Variants in RAB11FIP5 observed in about 807,000 individuals in gnomAD.
RAB11FIP5 encodes the protein RAB11 family interacting protein 5, also known as rab11 family-interacting protein 5.
A neutral mutation model predicts 85.1 loss-of-function variants in RAB11FIP5; 48 were observed. The observed-to-expected ratio is 0.56, with a 90% CI of 0.45 to 0.72. The LOEUF (loss-of-function observed/expected upper bound fraction) is 0.72. Ranked by LOEUF, RAB11FIP5 falls within the 30% of genes least tolerant of loss-of-function variation. The probability of loss-of-function intolerance (pLI) is 0.00; values close to 1 mark genes in which losing one functional copy is unlikely to be tolerated. For synonymous variants in RAB11FIP5, 729 were observed against 727.3 expected (o/e 1.00, Z -0.04); for missense variants, 1,491 against 1,687.0 (o/e 0.88, Z 2.04).
Position 73,075,380 on chromosome 2 carries a change from C to G in RAB11FIP5, c.*141G>C, listed in dbSNP as rs1347102464. ...TCCAGAGGGCCCCCTTCCAGCAGCC[C>G]CAGTTGAGGCAGGAGGGAGAGGAGC... is the stretch of plus-strand genomic sequence containing the variant. On this transcript the variant is annotated 3_prime_UTR_variant, in exon 6 of 6. Transcript: ENST00000486777. The surrounding 1 kb of genome is among the most constrained non-coding windows in gnomAD (Gnocchi z 4.6). 1 of 886,746 alleles carries G rather than the reference C, an allele frequency of 1.1e-6. No homozygotes were observed. 54.9% of individuals were successfully genotyped at this position (886,746 alleles called of 1,614,324 possible).
rs201939228 is a variant in RAB11FIP5, at chr2:73,088,530, G to A, written c.1088C>T (p.Pro363Leu). The change falls in exon 3 of 6, where the codon CCA becomes CTA. Residue 363 changes from proline (P) to leucine (L), a missense_variant. Physicochemically the swap from Pro to Leu is moderately conservative, Grantham distance 98. Around this residue, in one of 3 missense-constraint regions of RAB11FIP5, gnomAD observed 1,211 missense variants for 1,338.0 expected, o/e 0.91. Transcript: ENST00000486777. Reference sequence around the variant, plus strand: ...GACAGCTTGCAAGGAGCCAGAGGATGGAAGCGAGCCCGAGATGGAGCTGCG... The same window carrying A: ...GACAGCTTGCAAGGAGCCAGAGGATAGAAGCGAGCCCGAGATGGAGCTGCG... ...RHRSSISGSL[P>L]SSGSLQAVSS... The A allele has an allele frequency of 2.1e-4, 334 of 1,613,872 alleles. 2 individuals are homozygous for A. The Middle Eastern group carries it at 3.3e-3, about 16-fold the overall frequency.
At position 73,089,098 on chromosome 2, in the gene RAB11FIP5, T is replaced by C; in HGVS notation, c.649A>G (p.Ile217Val). ...SASAILPSSA[I>V]EDPDLGSLGK... is the part of the protein sequence containing the mutation. ...AGGCTGCCCAGGTCAGGATCCTCTA[T>C]GGCGCTGCTTGGGAGGATGGCAGAG... Residue 217 changes from isoleucine to valine, a missense_variant, in exon 2 of 6, where the codon ATA becomes GTA. Physicochemically the swap from Ile to Val is conservative, Grantham distance 29 (BLOSUM62 3). Around this residue, in one of 3 missense-constraint regions of RAB11FIP5, gnomAD observed 1,211 missense variants for 1,338.0 expected, o/e 0.91. Coordinates refer to ENST00000486777, the MANE Select transcript of RAB11FIP5 (RefSeq NM_001371272.1). The surrounding 1 kb of genome is among the most constrained non-coding windows in gnomAD (Gnocchi z 4.6). The C allele has an allele frequency of 1.2e-6, 2 of 1,614,216 alleles. No individual in the cohort carries two copies. Among genetic ancestry groups the C allele is most frequent in the Non-Finnish European group, 1.7e-6 (2 of 1,180,030 alleles).
At position 73,074,076 on chromosome 2, in the gene RAB11FIP5, A is replaced by G. The variant is rs892676073; in HGVS notation, c.*1445T>C. The G allele has an allele frequency of 2.0e-5, 3 of 152,190 alleles. No individual in the cohort carries two copies. Among genetic ancestry groups the G allele is most frequent in the African/African-American group, 7.2e-5 (3 of 41,434 alleles). 9.4% of individuals were successfully genotyped at this position (152,190 alleles called of 1,614,324 possible). A position where few individuals can be genotyped will look rare whatever the true frequency, so the allele number is the denominator to read the frequency against. The stretch of plus-strand genomic sequence containing the variant: ...TGCAGATGCCTTGGGGAAGCCTACC[A>G]TGTTTTCTACAAGCAAACCAGGGGC... On this transcript the variant is annotated 3_prime_UTR_variant, in exon 6 of 6. Transcript: ENST00000486777.
In RAB11FIP5 at chr2:73,089,004, G is replaced by T; in HGVS notation, c.743C>A (p.Ser248Tyr). 6.2e-7 allele frequency: 1 copy of T among 1,614,230 alleles called. No individual in the cohort carries two copies. Among genetic ancestry groups the T allele is most frequent in the South Asian group, 1.1e-5 (1 of 91,088 alleles). ...NKLRKSSLTQSNTSLGSDSTL... is the reference protein window; with the variant it reads ...NKLRKSSLTQYNTSLGSDSTL... ...GCTGTCCGAGCCCAGCGAGGTGTTGGACTGGGTCAGGGACGACTTGCGCAG... is the reference window on the plus strand; with the variant it reads ...GCTGTCCGAGCCCAGCGAGGTGTTGTACTGGGTCAGGGACGACTTGCGCAG... The change falls in exon 2 of 6, where the codon TCC (serine) becomes TAC (tyrosine). Residue 248 changes from serine to tyrosine, a missense_variant. Around this residue, in one of 3 missense-constraint regions of RAB11FIP5, gnomAD observed 1,211 missense variants for 1,338.0 expected, o/e 0.91. Transcript: ENST00000486777. This position sits in a 1 kb window ranked among gnomAD's most constrained non-coding sequence, Gnocchi z 4.6.
intron 3 of RAB11FIP5, among the ~76,000 whole-genome samples, chr2:73,083,149 G>A (rs1684022558): frequency 2.0e-5 from 3 of 152,258 alleles, no homozygotes; most frequent in Admixed American, 2.0e-4. Flanking sequence ...GCTTTGGCCA[G>A]CCAGCCCATA....
intron 3 of RAB11FIP5, among the ~76,000 whole-genome samples, chr2:73,085,368 G>C (rs1433643471): frequency 2.0e-5 from 3 of 152,202 alleles, no homozygotes; most frequent in Non-Finnish European, 2.9e-5. Context: ...TCTGTGCATA[G>C]AGTCCTATGG....
At chr2:73,093,977 T>G (rs1684272238) in intron 1 of RAB11FIP5, among the ~76,000 whole-genome samples, 1 of 152,136 alleles carries the variant, frequency 6.6e-6, no homozygotes, top group African/African-American at 2.4e-5. Flanking sequence ...AATAATTAGC[T>G]GGGTGTGGTG....
At position 73,087,988 on chromosome 2, in the gene RAB11FIP5, C is replaced by T. The variant is rs929680119; in HGVS notation, c.1568+62G>A. 49 of 1,459,684 alleles carry T rather than the reference C, an allele frequency of 3.4e-5. No individual in the cohort carries two copies. In the East Asian group the frequency reaches 1.1e-3, roughly 33 times the overall value. 90.4% of individuals were successfully genotyped at this position (1,459,684 alleles called of 1,614,324 possible). Reference sequence around the variant, plus strand: ...TACTCCTTCCTCCCTGCCCCAGGGTCCAGGCAGCACACACCCCAGCATCCT... The same window carrying T: ...TACTCCTTCCTCCCTGCCCCAGGGTTCAGGCAGCACACACCCCAGCATCCT... On this transcript the variant is annotated intron_variant, in intron 3 of 5. Coordinates refer to ENST00000486777, the MANE Select transcript of RAB11FIP5 (RefSeq NM_001371272.1).
Position 73,112,874 on chromosome 2 carries a change from CTG to C in RAB11FIP5, c.-99_-98del, listed in dbSNP as rs1252442854. ...GGCAGAAGGCGGTCAGGAACCAACT[CTG>C]AGCGCCGCCGCAGCTGCGGGCTGGG... On this transcript the variant is annotated 5_prime_UTR_variant, in exon 1 of 6. Transcript: ENST00000486777. The C allele has an allele frequency of 8.7e-7, 1 of 1,150,476 alleles. No homozygotes were observed. Among genetic ancestry groups the C allele is most frequent in the Non-Finnish European group, 1.1e-6 (1 of 894,208 alleles). 71.3% of individuals were successfully genotyped at this position (1,150,476 alleles called of 1,614,324 possible). A position where few individuals can be genotyped will look rare whatever the true frequency, so the allele number is the denominator to read the frequency against.
intron 1 of RAB11FIP5, among the ~76,000 whole-genome samples, chr2:73,094,845 A>G (rs1417356346): frequency 6.6e-6 from 1 of 152,048 alleles, no homozygotes; most frequent in African/African-American, 2.4e-5. Context: ...GGGGTAAGTT[A>G]CCAAAGGAAC....
At chr2:73,092,573 C>A (rs1305288175) in intron 1 of RAB11FIP5, among the ~76,000 whole-genome samples, 1 of 152,108 alleles carries the variant, frequency 6.6e-6, no homozygotes, top group African/African-American at 2.4e-5. Context: ...CAGAGGAAGG[C>A]GGGAGGCCGA....
chr2:73,108,859 C>A (rs1684582278), intron 1 of RAB11FIP5, among the ~76,000 whole-genome samples: 1 of 152,166 alleles, frequency 6.6e-6, no homozygotes, highest in African/African-American at 2.4e-5. Context: ...GCCTGGCCAA[C>A]ATGGCAAAAC....
intron 3 of RAB11FIP5, among the ~76,000 whole-genome samples, chr2:73,083,565 G>A (rs1339555602): frequency 6.6e-6 from 1 of 152,120 alleles, no homozygotes; most frequent in Non-Finnish European, 1.5e-5. Flanking sequence ...ACCCCACCTG[G>A]GCTTCCACTA....
At chr2:73,105,751 AG>A (rs1684513331) in intron 1 of RAB11FIP5, among the ~76,000 whole-genome samples, 1 of 151,986 alleles carries the variant, frequency 6.6e-6, no homozygotes, top group African/African-American at 2.4e-5. Context: ...GAAGAGAGGA[AG>A]CCTTGGCAGG....
Position 73,088,300 on chromosome 2 carries a change from T to C in RAB11FIP5, c.1318A>G (p.Ile440Val). 5.6e-6 allele frequency: 9 copies of C among 1,613,800 alleles called. No individual in the cohort carries two copies. The highest frequency in any genetic ancestry group is 7.6e-6 in the Non-Finnish European group (9 of 1,179,972). Residue 440 changes from isoleucine (I) to valine (V), a missense_variant, in exon 3 of 6, where the codon ATA becomes GTA. By Grantham distance (29) the Ile-to-Val change is conservative. This residue lies in a region of RAB11FIP5 where 1,211 missense variants were observed against 1,338.0 expected (regional missense o/e 0.91). Coordinates refer to ENST00000486777, the MANE Select transcript of RAB11FIP5 (RefSeq NM_001371272.1). ...GCCACAGCCTCAGAGGAGGCCACTATGGGTGTGGCAACCTGGACTGGCTTG... is the reference window on the plus strand; with the variant it reads ...GCCACAGCCTCAGAGGAGGCCACTACGGGTGTGGCAACCTGGACTGGCTTG... ...EGKPVQVATPIVASSEAVAEK... is the reference protein window; with the variant it reads ...EGKPVQVATPVVASSEAVAEK...
At position 73,112,419 on chromosome 2, in the gene RAB11FIP5, A is replaced by G; in HGVS notation, c.359T>C (p.Val120Ala). Residue 120 changes from valine (V) to alanine (A), a missense_variant, in exon 1 of 6, where the codon GTC becomes GCC. Physicochemically the swap from Val to Ala is moderately conservative, Grantham distance 64 (BLOSUM62 0). Transcript: ENST00000486777. The part of the protein sequence containing the change: ...LTTMHRSLIG[V>A]DKFLGQATVA... Reference sequence around the variant, plus strand: ...CGTGGCCTGGCCCAGGAACTTGTCGACGCCGATGAGCGAGCGGTGCATGGT... The same window carrying G: ...CGTGGCCTGGCCCAGGAACTTGTCGGCGCCGATGAGCGAGCGGTGCATGGT... 1 of 1,601,612 alleles carries G rather than the reference A, an allele frequency of 6.2e-7. No homozygotes were observed. Among genetic ancestry groups the G allele is most frequent in the Non-Finnish European group, 8.5e-7 (1 of 1,176,550 alleles).
chr2:73,077,685 T>A (rs1355640315), intron 4 of RAB11FIP5, among the ~76,000 whole-genome samples: 1 of 152,228 alleles, frequency 6.6e-6, no homozygotes, highest in Non-Finnish European at 1.5e-5. Context: ...TAATTCCTAC[T>A]CATGTTTCAC....
intron 1 of RAB11FIP5, among the ~76,000 whole-genome samples, chr2:73,108,091 C>T (rs1345948879): frequency 6.6e-6 from 1 of 152,246 alleles, no homozygotes; most frequent in Non-Finnish European, 1.5e-5. Context: ...ACCAGCCAGG[C>T]AGAAGGCTCT....
At chr2:73,110,419 C>T (rs1684614208) in intron 1 of RAB11FIP5, among the ~76,000 whole-genome samples, 2 of 152,148 alleles carry the variant, frequency 1.3e-5, no homozygotes, top group African/African-American at 2.4e-5. Context: ...TAAACTAGAG[C>T]ACCAGGCCAA....
Sources: gnomAD v4.1 joint callset for allele counts (sites outside exome capture counted in the v4.1 genomes callset) on GRCh38, gnomAD v4.1.1 for gene constraint, gnomAD v4.1.1 regional missense constraint, Gnocchi (gnomAD v3.1) non-coding constraint, MANE v1.5 for transcripts, NCBI Gene and HGNC (gene_info 2026-07-23, HGNC 2026-07-21) for gene names.